Variants in IL2RA observed in about 807,000 individuals in gnomAD.
The protein encoded by IL2RA is interleukin 2 receptor subunit alpha.
Under a neutral mutation model 37.8 loss-of-function variants are expected in IL2RA, and 24 were observed. The ratio of observed to expected loss-of-function variants is 0.63; its 90% CI spans 0.46 to 0.89. The LOEUF is 0.89. Among genes scored for constraint, IL2RA ranks in the 40% least tolerant of loss-of-function variants. The pLI is 0.00. For synonymous variants in IL2RA, 125 were observed against 114.6 expected, an observed-to-expected ratio of 1.09 and a Z score of -0.58; for missense variants, 319 against 348.6, an observed-to-expected ratio of 0.92 and a Z score of 0.68.
At chr10:6,051,118 T>C (rs1205884343) in intron 1 of IL2RA, among the ~76,000 whole-genome samples, 1 of 152,170 alleles carries the variant, frequency 6.6e-6, no homozygotes, top group East Asian at 1.9e-4. Context: ...GTTTTCTCCT[T>C]TACAAAAGTT....
rs12722654 is a variant in IL2RA, at chr10:6,040,078, G to A, written c.65-14053C>T. Among the ~76,000 whole-genome samples, 968 of 152,282 alleles carry A rather than the reference G, an allele frequency of 6.4e-3. 13 individuals carry two copies. Among genetic ancestry groups the A allele is most frequent in the African/African-American group, 0.021 (868 of 41,550 alleles). On this transcript the variant is annotated intron_variant, in intron 1 of 7. Coordinates refer to ENST00000379959, the MANE Select transcript of IL2RA (RefSeq NM_000417.3). ...TGTTTTGCTGAAGCATGAATCGTGA[G>A]GGTATGAAGGATGGAAATATGAGGA...
chr10:6,026,395 T>C (rs11595586), intron 1 of IL2RA, among the ~76,000 whole-genome samples: 153 of 152,368 alleles, frequency 1.0e-3, no homozygotes, highest in Non-Finnish European at 5.7e-4. Context: ...GGGCAAAATA[T>C]GTCTGTGCAA....
At position 6,019,453 on chromosome 10, in the gene IL2RA, T is replaced by G. The variant is rs769176990; in HGVS notation, c.702A>C (p.Ile234=). Residue 234 remains isoleucine (I), a synonymous_variant, in exon 6 of 8, where the codon ATA becomes ATC. Transcript: ENST00000379959. The part of the protein sequence containing the change: ...TEMAATMETS[I]FTTEYQVAVA... The stretch of plus-strand genomic sequence containing the variant: ...CTGCTACCTGGTACTCTGTTGTAAA[T>G]ATGGACGTCTCCATGGTTGCAGCCA... 2 of 1,613,562 alleles carry G rather than the reference T, an allele frequency of 1.2e-6. No homozygotes were observed. Among genetic ancestry groups the G allele is most frequent in the Non-Finnish European group, 1.7e-6 (2 of 1,179,524 alleles).
chr10:6,033,584 G>C lies in IL2RA; in HGVS notation c.65-7559C>G, dbSNP rs1266091758. On this transcript the variant is annotated intron_variant, in intron 1 of 7. Transcript: ENST00000379959. This position sits in a 1 kb window ranked among gnomAD's most constrained non-coding sequence, Gnocchi z 4.3. The stretch of plus-strand genomic sequence containing the variant: ...GAACAGACAAGTAGCTTATGATATA[G>C]TCATACTATAGAAACCATTCAAAAA... Among the ~76,000 whole-genome samples the C allele has an allele frequency of 6.6e-6, 1 of 152,068 alleles. No individual in the cohort carries two copies. Among genetic ancestry groups the C allele is most frequent in the Non-Finnish European group, 1.5e-5 (1 of 68,010 alleles).
intron 1 of IL2RA, among the ~76,000 whole-genome samples, chr10:6,061,783 C>A (rs894104120): frequency 3.3e-5 from 5 of 152,154 alleles, no homozygotes; most frequent in African/African-American, 1.2e-4. Context: ...TCTTGAGAAA[C>A]CTGCTCATCG....
At chr10:6,049,717 C>T (rs958619281) in intron 1 of IL2RA, among the ~76,000 whole-genome samples, 2 of 152,226 alleles carry the variant, frequency 1.3e-5, no homozygotes, top group South Asian at 2.1e-4. Flanking sequence ...CCTCCCACCA[C>T]CTTGCTAGTG....
intron 1 of IL2RA, among the ~76,000 whole-genome samples, chr10:6,026,460 C>T (rs1839485678): frequency 6.6e-6 from 1 of 152,162 alleles, no homozygotes; most frequent in African/African-American, 2.4e-5. Flanking sequence ...TGACTGTGCG[C>T]CATTTTTTGA....
rs1167807112 is a variant in IL2RA, at chr10:6,031,503, T to C, written c.65-5478A>G. On this transcript the variant is annotated intron_variant, in intron 1 of 7. Transcript: ENST00000379959. ...ATATATATATATATATGTATATATATATATATATGTATATATATGTATATA... is the reference window on the plus strand; with the variant it reads ...ATATATATATATATATGTATATATACATATATATGTATATATATGTATATA... Among the ~76,000 whole-genome samples, 156 of 67,554 alleles carry C rather than the reference T, an allele frequency of 2.3e-3. 4 individuals are homozygous for C. Among genetic ancestry groups the C allele is most frequent in the African/African-American group, 6.4e-3 (131 of 20,464 alleles). 44.3% of individuals were successfully genotyped at this position (67,554 alleles called of 152,430 possible).
chr10:6,030,981 A>T (rs1211467838), intron 1 of IL2RA, among the ~76,000 whole-genome samples: 1 of 152,158 alleles, frequency 6.6e-6, no homozygotes, highest in Non-Finnish European at 1.5e-5. Flanking sequence ...AATACCACAA[A>T]GAGTGTAGCT....
rs1385366811 is a variant in IL2RA, at chr10:6,020,935, G to A, written c.583+543C>T. 6.6e-5 allele frequency among the ~76,000 whole-genome samples: 9 copies of A among 136,476 alleles called. No individual in the cohort carries two copies. Among genetic ancestry groups the A allele is most frequent in the Non-Finnish European group, 9.6e-5 (6 of 62,508 alleles). 89.5% of individuals were successfully genotyped at this position (136,476 alleles called of 152,430 possible). A position where few individuals can be genotyped will look rare whatever the true frequency, so the allele number is the denominator to read the frequency against. On this transcript the variant is annotated intron_variant, in intron 4 of 7. Coordinates refer to ENST00000379959, the MANE Select transcript of IL2RA (RefSeq NM_000417.3). The surrounding 1 kb of genome is among the most constrained non-coding windows in gnomAD (Gnocchi z 5.6). Reference sequence around the variant, plus strand: ...GGGCTGAGCATTTGCATGAGTATGTGTGTGTGTGTGTGTGTGTGCGCGCAT... The same window carrying A: ...GGGCTGAGCATTTGCATGAGTATGTATGTGTGTGTGTGTGTGTGCGCGCAT...
rs778609114 is a variant in IL2RA, at chr10:6,012,924, A to G, written c.795-28T>C. 1 of 1,612,622 alleles carries G rather than the reference A, an allele frequency of 6.2e-7. No individual in the cohort carries two copies. Among genetic ancestry groups the G allele is most frequent in the African/African-American group, 1.3e-5 (1 of 75,004 alleles). On this transcript the variant is annotated intron_variant, in intron 7 of 7. Coordinates refer to ENST00000379959, the MANE Select transcript of IL2RA (RefSeq NM_000417.3). This position sits in a 1 kb window ranked among gnomAD's most constrained non-coding sequence, Gnocchi z 4.8. ...GTAGTGGTGTAACAAAGTCACGGTC[A>G]TATGTGTAACACGGCACCAAAAAAA...
At chr10:6,041,661 GA>G (rs1839773987) in intron 1 of IL2RA, among the ~76,000 whole-genome samples, 1 of 152,114 alleles carries the variant, frequency 6.6e-6, no homozygotes, top group Non-Finnish European at 1.5e-5. Context: ...GATTGAGGGG[GA>G]AAAATTTCCC....
At chr10:6,027,970 GACCAAA>G (rs1839511617) in intron 1 of IL2RA, among the ~76,000 whole-genome samples, 1 of 152,130 alleles carries the variant, frequency 6.6e-6, no homozygotes, top group African/African-American at 2.4e-5. Context: ...GAGTAACTGG[GACCAAA>G]ACTTACGTTT....
At chr10:6,042,144 TA>T (rs1839780944) in intron 1 of IL2RA, among the ~76,000 whole-genome samples, 1 of 694 alleles carries the variant, frequency 1.4e-3, no homozygotes, top group Non-Finnish European at 8.8e-3. Flanking sequence ...AGCAATGTAT[TA>T]AGCAAAAAAA....
chr10:6,040,067 A>T (rs1564548839), intron 1 of IL2RA, among the ~76,000 whole-genome samples: 1 of 152,248 alleles, frequency 6.6e-6, no homozygotes, highest in African/African-American at 2.4e-5. Flanking sequence ...TTGCTGAAGC[A>T]TGAATCGTGA....
intron 1 of IL2RA, among the ~76,000 whole-genome samples, chr10:6,040,445 A>G (rs1193504779): frequency 6.6e-6 from 1 of 152,168 alleles, no homozygotes; most frequent in Non-Finnish European, 1.5e-5. Context: ...CCAAATCACC[A>G]TGGTTGAATT....
At chr10:6,037,685 C>T (rs1025599989) in intron 1 of IL2RA, among the ~76,000 whole-genome samples, 5 of 152,066 alleles carry the variant, frequency 3.3e-5, no homozygotes, top group African/African-American at 4.8e-5. Context: ...GTCAGAGACC[C>T]GAATCTTCCT....
rs1172189979 is a variant in IL2RA, at chr10:6,015,604, A to G, written c.794+2449T>C. Among the ~76,000 whole-genome samples, 1 of 152,234 alleles carries G rather than the reference A, an allele frequency of 6.6e-6. No individual in the cohort carries two copies. The highest frequency in any genetic ancestry group is 1.5e-5 in the Non-Finnish European group (1 of 68,040). On this transcript the variant is annotated intron_variant, in intron 7 of 7. Coordinates refer to ENST00000379959, the MANE Select transcript of IL2RA (RefSeq NM_000417.3). The surrounding 1 kb of genome is among the most constrained non-coding windows in gnomAD (Gnocchi z 4.9). ...TCAACAAATGTTTTTAAGTTGACAC[A>G]TAATAGTTATATATATTTATGAGGT...
At position 6,018,355 on chromosome 10, in the gene IL2RA, C is replaced by T. The variant is rs1432855878; in HGVS notation, c.728-236G>A. ...GAGCTTCCCCTCAGGAGGCACCCTT[C>T]TCTCACAAAAGCCCCTCAGAAAGGC... On this transcript the variant is annotated intron_variant, in intron 6 of 7. Coordinates refer to ENST00000379959, the MANE Select transcript of IL2RA (RefSeq NM_000417.3). This position sits in a 1 kb window ranked among gnomAD's most constrained non-coding sequence, Gnocchi z 5.1. 6.6e-6 allele frequency among the ~76,000 whole-genome samples: 1 copy of T among 152,122 alleles called. No individual in the cohort carries two copies. Among genetic ancestry groups the T allele is most frequent in the East Asian group, 1.9e-4 (1 of 5,180 alleles).
Sources: allele counts gnomAD v4.1 joint callset (sites outside exome capture counted in the v4.1 genomes callset), GRCh38; gene constraint gnomAD v4.1.1; non-coding constraint Gnocchi (gnomAD v3.1); transcripts MANE v1.5; gene names NCBI Gene and HGNC (gene_info 2026-07-23, HGNC 2026-07-21).